CDHR3: variants seen among roughly 807,000 people sequenced by gnomAD.
CDHR3 encodes the protein cadherin related family member 3.
In CDHR3, 79 loss-of-function variants were observed where a neutral mutation model predicts 86.6. The observed-to-expected ratio is 0.91, with a 90% confidence interval of 0.76 to 1.10. The LOEUF (loss-of-function observed/expected upper bound fraction) is 1.10, where lower values mean the gene tolerates loss of function less well. CDHR3 is among the 50% of genes least tolerant of loss of function. The pLI is 0.00. For missense variants in CDHR3, 1,081 were observed against 1,077.6 expected (o/e 1.00, Z -0.04); for synonymous variants, 421 against 402.4 (o/e 1.05, Z -0.55).
intron 15 of CDHR3, among the ~76,000 whole-genome samples, chr7:106,026,464 C>T (rs1260780919): frequency 6.6e-6 from 1 of 152,148 alleles, no homozygotes; most frequent in Non-Finnish European, 1.5e-5. Context: ...ATCAAATTCC[C>T]AGAACCTCCC....
intron 3 of CDHR3, among the ~76,000 whole-genome samples, chr7:105,982,468 C>A (rs1423712052): frequency 1.7e-3 from 188 of 111,906 alleles, no homozygotes; most frequent in Middle Eastern, 4.4e-3. Flanking sequence ...GACTCTGTCT[C>A]AAAAAAAAAA....
At position 106,020,519 on chromosome 7, in the gene CDHR3, A is replaced by G; in HGVS notation, c.1800A>G (p.Arg600=). ...LTCTDLDSSP[R]SFRYSIGPGN... is the part of the protein sequence containing the mutation. ...GTACCGACCTTGATTCCAGCCCCAG[A>G]TCTTTCCGTTATTCCATTGGCCCAG... Residue 600 remains arginine, a synonymous_variant, in exon 13 of 19, where the codon AGA becomes AGG. Coordinates refer to ENST00000317716, the MANE Select transcript of CDHR3 (RefSeq NM_152750.5). 2 of 1,613,826 alleles carry G rather than the reference A, an allele frequency of 1.2e-6. No individual in the cohort carries two copies. The highest frequency in any genetic ancestry group is 1.7e-6 in the Non-Finnish European group (2 of 1,179,802).
intron 1 of CDHR3, among the ~76,000 whole-genome samples, chr7:105,973,504 G>A (rs755152163): frequency 2.6e-5 from 4 of 152,102 alleles, no homozygotes; most frequent in East Asian, 1.9e-4. Context: ...TTCCATTCCC[G>A]GGCTTGTAGC....
chr7:105,994,558 C>G (rs114898739), intron 4 of CDHR3, among the ~76,000 whole-genome samples, 193 bp from the exon 5 acceptor site: 3,533 of 152,184 alleles, frequency 0.023, 129 homozygotes, highest in African/African-American at 0.081. Flanking sequence ...TCAACCAGGG[C>G]TCAGACCAAC....
intron 15 of CDHR3, among the ~76,000 whole-genome samples, chr7:106,026,407 A>AG (rs1303115696): frequency 6.6e-6 from 1 of 152,224 alleles, no homozygotes; most frequent in East Asian, 1.9e-4. Flanking sequence ...TTTTCTCATC[A>AG]GAAACAATGT....
rs1838811824 is a variant in CDHR3 at position 106,035,141 on chromosome 7, C to T, written c.*2444C>T. Among the ~76,000 whole-genome samples, 1 of 151,860 alleles carries T rather than the reference C, an allele frequency of 6.6e-6. No individual in the cohort carries two copies. The highest frequency in any genetic ancestry group is 2.1e-4 in the South Asian group (1 of 4,804). ...GAGTGGTGAGCAGCTGGTCTTTCTT[C>T]TCCAGTGATGACAGGGCAAGAGGGA... On this transcript the variant is annotated 3_prime_UTR_variant, in exon 19 of 19. Coordinates refer to ENST00000317716, the MANE Select transcript of CDHR3 (RefSeq NM_152750.5).
intron 1 of CDHR3, among the ~76,000 whole-genome samples, chr7:105,970,409 C>T (rs1040486781): frequency 2.0e-5 from 3 of 152,216 alleles, no homozygotes; most frequent in African/African-American, 7.2e-5. Flanking sequence ...GGCGCCATGG[C>T]TGACAATAAA....
chr7:106,028,230 C>G (rs1259629072), intron 16 of CDHR3, among the ~76,000 whole-genome samples: 1 of 151,994 alleles, frequency 6.6e-6, no homozygotes, highest in Non-Finnish European at 1.5e-5. Flanking sequence ...ACAGAGGTAT[C>G]CAATCCCATC....
chr7:105,998,583 G>C (rs946375552), intron 6 of CDHR3, among the ~76,000 whole-genome samples: 2 of 152,160 alleles, frequency 1.3e-5, no homozygotes, highest in Non-Finnish European at 2.9e-5. Flanking sequence ...CCTGAGGTCA[G>C]GAGTTCGAGA....
intron 7 of CDHR3, among the ~76,000 whole-genome samples, chr7:106,003,229 TA>T (rs1377536514): frequency 2.0e-5 from 3 of 152,098 alleles, no homozygotes; most frequent in Non-Finnish European, 4.4e-5. Context: ...GTACTTACAG[TA>T]CATCTCAATT....
chr7:105,965,584 C>T lies in CDHR3; in HGVS notation c.46+2220C>T, dbSNP rs1287296376. 3.2e-5 allele frequency among the ~76,000 whole-genome samples: 4 copies of T among 124,994 alleles called. No homozygotes were observed. The East Asian group carries it at 9.4e-4, about 29-fold the overall frequency. 82.0% of individuals were successfully genotyped at this position (124,994 alleles called of 152,430 possible). ...CAAGCCCCACCCCCCCCCATGGAGT[C>T]TTCCTGGATTGACCTAGCTCCTGGG... On this transcript the variant is annotated intron_variant, in intron 1 of 18. Coordinates refer to ENST00000317716, the MANE Select transcript of CDHR3 (RefSeq NM_152750.5).
intron 6 of CDHR3, among the ~76,000 whole-genome samples, chr7:105,999,887 G>C (rs1007598400): frequency 2.0e-5 from 3 of 152,238 alleles, no homozygotes; most frequent in African/African-American, 7.2e-5. Context: ...GCTCATGGCT[G>C]TGTGATTAGC....
intron 4 of CDHR3, among the ~76,000 whole-genome samples, chr7:105,989,238 T>C (rs1585614775): frequency 7.3e-6 from 1 of 137,674 alleles, no homozygotes; most frequent in South Asian, 2.6e-4. Context: ...CTTCTCCACT[T>C]TCTGAAGGAG....
At chr7:106,019,391 T>G (rs1037656474) in intron 12 of CDHR3, among the ~76,000 whole-genome samples, 1 of 151,552 alleles carries the variant, frequency 6.6e-6, no homozygotes, top group Non-Finnish European at 1.5e-5. Flanking sequence ...TTAGGCTGTT[T>G]TTTTTTTTTT....
intron 9 of CDHR3, among the ~76,000 whole-genome samples, 165 bp from the exon 10 acceptor site, chr7:106,014,946 G>A (rs567841318): frequency 6.6e-6 from 1 of 152,170 alleles, no homozygotes; most frequent in African/African-American, 2.4e-5. Flanking sequence ...AGTGAGCAAA[G>A]GTATGGTCAT....
intron 3 of CDHR3, among the ~76,000 whole-genome samples, chr7:105,981,672 G>A (rs780067406): frequency 1.3e-5 from 2 of 152,052 alleles, no homozygotes; most frequent in South Asian, 2.1e-4. Flanking sequence ...GAGCTGTGGC[G>A]GTCGTAACAC....
At chr7:106,031,498 CCACCCTCATATGCA>C (rs1416471991) in intron 18 of CDHR3, among the ~76,000 whole-genome samples, 1 of 152,228 alleles carries the variant, frequency 6.6e-6, no homozygotes, top group Non-Finnish European at 1.5e-5. Flanking sequence ...TGGCTTCCTG[CCACCCTCATATGCA>C]AACGGCACCG....
intron 7 of CDHR3, among the ~76,000 whole-genome samples, chr7:106,003,897 A>G (rs1833559465): frequency 6.6e-6 from 1 of 151,388 alleles, no homozygotes; most frequent in Admixed American, 6.6e-5. Flanking sequence ...TCAACTTTTA[A>G]CAAGTAGAGT....
At position 106,034,003 on chromosome 7, in the gene CDHR3, T is replaced by C. The variant is rs1412993803; in HGVS notation, c.*1306T>C. On this transcript the variant is annotated 3_prime_UTR_variant, in exon 19 of 19. Transcript: ENST00000317716. The stretch of plus-strand genomic sequence containing the variant: ...TTAGCCATTCTGGTTAAAATTACTA[T>C]TGAAGTGAAATCACTTTTTCCTCAA... Among the ~76,000 whole-genome samples the C allele has an allele frequency of 6.6e-6, 1 of 152,220 alleles. No individual in the cohort carries two copies. The highest frequency in any genetic ancestry group is 1.9e-4 in the East Asian group (1 of 5,200).
Sources: gnomAD v4.1 joint callset for allele counts (sites outside exome capture counted in the v4.1 genomes callset) on GRCh38, gnomAD v4.1.1 for gene constraint, MANE v1.5 for transcripts, NCBI Gene and HGNC (gene_info 2026-07-23, HGNC 2026-07-21) for gene names.